DOCK8: variants seen among roughly 807,000 people sequenced by gnomAD.
DOCK8 encodes the protein dedicator of cytokinesis protein 8.
In DOCK8, 141 loss-of-function variants were observed where a neutral mutation model predicts 245.6. The ratio of observed to expected loss-of-function variants is 0.57; its 90% CI spans 0.50 to 0.66. The LOEUF is 0.66. DOCK8 is among the 30% of genes least tolerant of loss of function. The pLI, the probability that DOCK8 is intolerant of heterozygous loss-of-function variation, is 0.00. For missense variants in DOCK8, 2,965 were observed against 2,603.4 expected (o/e 1.14, Z -3.02); for synonymous variants, 1,168 against 970.2 (o/e 1.20, Z -3.79).
In DOCK8 at chr9:424,624, G is replaced by A. The variant is rs2056412373; in HGVS notation, c.4242-2261G>A. ...AGGGTTTCACCATGTTGCCCAGGCTGGTCTAAAACTCCTGGGCTCAAGTGA... is the reference window on the plus strand; with the variant it reads ...AGGGTTTCACCATGTTGCCCAGGCTAGTCTAAAACTCCTGGGCTCAAGTGA... On this transcript the variant is annotated intron_variant, in intron 33 of 47. Transcript: ENST00000432829. Among the ~76,000 whole-genome samples, 4 of 152,164 alleles carry A rather than the reference G, an allele frequency of 2.6e-5. No individual in the cohort carries two copies. The South Asian group carries it at 8.3e-4, about 32-fold the overall frequency.
chr9:219,036 G>A (rs1445442226), intron 1 of DOCK8, among the ~76,000 whole-genome samples: 1 of 152,152 alleles, frequency 6.6e-6, no homozygotes, highest in African/African-American at 2.4e-5. Flanking sequence ...TGGCTCCAGA[G>A]TCTTCTCTTT....
rs1201057209 is a variant in DOCK8, at chr9:408,304, A to G, written c.3530+1235A>G. 4.6e-5 allele frequency among the ~76,000 whole-genome samples: 7 copies of G among 152,194 alleles called. 1 individual carries two copies. The highest frequency in any genetic ancestry group is 1.7e-4 in the African/African-American group (7 of 41,444). ...TGTCCCAAGCTATGTACCCAGGCTG[A>G]CACCGCTGAAGTGACTCTATGTCTG... On this transcript the variant is annotated intron_variant, in intron 28 of 47. Coordinates refer to ENST00000432829, the MANE Select transcript of DOCK8 (RefSeq NM_203447.4).
chr9:460,935 G>T (rs1298640805), intron 46 of DOCK8, among the ~76,000 whole-genome samples: 1 of 152,222 alleles, frequency 6.6e-6, no homozygotes, highest in East Asian at 1.9e-4. Context: ...TTATTCATTT[G>T]AAGGATAATA....
chr9:408,169 A>C (rs892700801), intron 28 of DOCK8, among the ~76,000 whole-genome samples: 57 of 152,206 alleles, frequency 3.7e-4, no homozygotes, highest in African/African-American at 1.3e-3. Context: ...TCTAAATGGA[A>C]TTTCTCAAGT....
intron 14 of DOCK8, among the ~76,000 whole-genome samples, chr9:354,713 G>A (rs1887529): frequency 6.6e-6 from 1 of 152,046 alleles, no homozygotes; most frequent in African/African-American, 2.4e-5. Flanking sequence ...GGCTGAGGGC[G>A]TCGGTTCCTC....
intron 2 of DOCK8, among the ~76,000 whole-genome samples, chr9:273,329 A>G (rs1411530704): frequency 6.6e-6 from 1 of 152,216 alleles, no homozygotes; most frequent in Non-Finnish European, 1.5e-5. Flanking sequence ...AAGGCATGTC[A>G]AGTGCATATT....
intron 14 of DOCK8, among the ~76,000 whole-genome samples, chr9:355,311 C>A (rs1441783063): frequency 6.7e-5 from 10 of 150,274 alleles, no homozygotes; most frequent in Non-Finnish European, 1.5e-4. Context: ...ACAAGCGATT[C>A]CCCTGCCTTA....
At chr9:366,916 G>A (rs1301543375) in intron 14 of DOCK8, among the ~76,000 whole-genome samples, 1 of 152,162 alleles carries the variant, frequency 6.6e-6, no homozygotes, top group African/African-American at 2.4e-5. Context: ...GTATGGAAAG[G>A]CCATGCTTAT....
chr9:254,238 C>A (rs1161369509), intron 1 of DOCK8, among the ~76,000 whole-genome samples: 4 of 152,162 alleles, frequency 2.6e-5, no homozygotes, highest in African/African-American at 9.7e-5. Context: ...CAATTCCATT[C>A]CTCCATTTGA....
intron 30 of DOCK8, among the ~76,000 whole-genome samples, chr9:419,347 G>A (rs776696190): frequency 4.6e-5 from 7 of 152,128 alleles, no homozygotes; most frequent in African/African-American, 1.4e-4. Flanking sequence ...TGACATCACC[G>A]ATCTTACTGT....
chr9:261,460 G>T (rs76448074), intron 1 of DOCK8, among the ~76,000 whole-genome samples: 20,120 of 152,094 alleles, frequency 0.13, 1,706 homozygotes, highest in East Asian at 0.4. Context: ...GTTCTACATG[G>T]CATCAGACTA....
At chr9:300,531 A>G (rs551575235) in intron 4 of DOCK8, among the ~76,000 whole-genome samples, 1 of 152,240 alleles carries the variant, frequency 6.6e-6, no homozygotes, top group African/African-American at 2.4e-5. Flanking sequence ...GAAAATCCAT[A>G]CAAAAGATCA....
intron 47 of DOCK8, 61 bp downstream of exon 47, chr9:463,748 C>T: frequency 6.3e-7 from 1 of 1,589,476 alleles, no homozygotes; most frequent in Non-Finnish European, 8.6e-7. Context: ...TGGGGCCTAG[C>T]ACCTTGGGGC....
chr9:408,620 A>G (rs2055550312), intron 28 of DOCK8, among the ~76,000 whole-genome samples: 1 of 152,234 alleles, frequency 6.6e-6, no homozygotes, highest in Non-Finnish European at 1.5e-5. Flanking sequence ...TCATGCACAA[A>G]CATGTACATA....
chr9:458,608 G>A (rs894287078), intron 46 of DOCK8, among the ~76,000 whole-genome samples: 1 of 152,222 alleles, frequency 6.6e-6, no homozygotes, highest in East Asian at 1.9e-4. Flanking sequence ...TCACAAGTTC[G>A]AGACCAGCCT....
intron 14 of DOCK8, among the ~76,000 whole-genome samples, chr9:342,526 G>C (rs112071441): frequency 0.039 from 5,853 of 151,530 alleles, 140 homozygotes; most frequent in Admixed American, 0.073. Flanking sequence ...CTGGAGTGCA[G>C]TGACATGATC....
chr9:232,379 A>T (rs908994149), intron 1 of DOCK8, among the ~76,000 whole-genome samples: 6 of 152,142 alleles, frequency 3.9e-5, no homozygotes, highest in African/African-American at 9.7e-5. Flanking sequence ...TGTCTCTGCC[A>T]GGCTTTGGTA....
chr9:224,204 A>G (rs1015532728), intron 1 of DOCK8, among the ~76,000 whole-genome samples: 1 of 151,998 alleles, frequency 6.6e-6, no homozygotes, highest in African/African-American at 2.4e-5. Flanking sequence ...TTTTTCAATT[A>G]CTCCTTAATA....
Position 399,266 on chromosome 9 carries a change from GTCC to G in DOCK8, c.3234+8_3234+10del, listed in dbSNP as rs1165708827. 2.5e-6 allele frequency: 4 copies of G among 1,593,746 alleles called. No individual in the cohort carries two copies. In the African/African-American group the frequency reaches 4.3e-5, roughly 17 times the overall value. On this transcript the variant is annotated splice_region_variant and intron_variant, in intron 26 of 47. Coordinates refer to ENST00000432829, the MANE Select transcript of DOCK8 (RefSeq NM_203447.4). ...CAGACATTATTGCAGCCAGGTGAGT[GTCC>G]CCCCCACCCCCACCCCCGAGCGAGC...
Sources: allele counts gnomAD v4.1 joint callset (sites outside exome capture counted in the v4.1 genomes callset), GRCh38; gene constraint gnomAD v4.1.1; transcripts MANE v1.5; gene names NCBI Gene and HGNC (gene_info 2026-07-23, HGNC 2026-07-21).